ZC2HC1A: variants seen among roughly 807,000 people sequenced by gnomAD.
The protein encoded by ZC2HC1A is zinc finger C2HC domain-containing protein 1A.
ZC2HC1A carries 28 observed loss-of-function variants against 40.7 expected under a neutral mutation model. The ratio of observed to expected loss-of-function variants is 0.69; its 90% CI spans 0.51 to 0.94. The LOEUF is 0.94. ZC2HC1A is among the 40% of genes least tolerant of loss of function. The pLI, the probability that ZC2HC1A is intolerant of heterozygous loss-of-function variation, is 0.00. For missense variants in ZC2HC1A, 389 were observed against 386.3 expected, an observed-to-expected ratio of 1.01 and a Z score of -0.06; for synonymous variants, 129 against 129.2, an observed-to-expected ratio of 1.00 and a Z score of 0.01.
At chr8:78,671,340 A>G (rs1441997200) in intron 1 of ZC2HC1A, among the ~76,000 whole-genome samples, 2 of 152,214 alleles carry the variant, frequency 1.3e-5, no homozygotes, top group Non-Finnish European at 2.9e-5. Flanking sequence ...TAAAAGTTCT[A>G]GAATATTAAA....
chr8:78,712,023 G>A (rs757897642), intron 7 of ZC2HC1A: 27 of 1,289,506 alleles, frequency 2.1e-5, no homozygotes, highest in Admixed American at 1.4e-4. Flanking sequence ...CACTTCGAAC[G>A]GGAAGACTTG....
At chr8:78,691,728 A>G (rs1054907340) in intron 5 of ZC2HC1A, among the ~76,000 whole-genome samples, 4 of 151,902 alleles carry the variant, frequency 2.6e-5, no homozygotes, top group African/African-American at 9.7e-5. Flanking sequence ...TTGAAAAGTG[A>G]TTGCTCTAGG....
chr8:78,712,586 G>A (rs943533289), intron 7 of ZC2HC1A, among the ~76,000 whole-genome samples: 2 of 152,120 alleles, frequency 1.3e-5, no homozygotes, highest in African/African-American at 4.8e-5. Flanking sequence ...CTTTTTGTTA[G>A]ATGGTTGTAA....
intron 3 of ZC2HC1A, 55 bp downstream of exon 3, chr8:78,678,734 A>T (rs1809667191): frequency 9.2e-6 from 11 of 1,200,230 alleles, no homozygotes; most frequent in Non-Finnish European, 1.3e-5. Context: ...ATGTTGAAAA[A>T]TATTATATTA....
chr8:78,705,337 C>G (rs1810737138), intron 7 of ZC2HC1A, among the ~76,000 whole-genome samples: 1 of 152,150 alleles, frequency 6.6e-6, no homozygotes, highest in Admixed American at 6.5e-5. Context: ...CATAGGGCTG[C>G]TTGTGTATGC....
At chr8:78,672,499 C>G (rs183637461) in intron 1 of ZC2HC1A, among the ~76,000 whole-genome samples, 297 of 152,268 alleles carry the variant, frequency 2.0e-3, no homozygotes, top group Admixed American at 3.6e-3. Flanking sequence ...TTACCCTACA[C>G]TCTGCAGATC....
At chr8:78,690,374 C>T (rs570159325) in intron 5 of ZC2HC1A, among the ~76,000 whole-genome samples, 1 of 152,232 alleles carries the variant, frequency 6.6e-6, no homozygotes, top group African/African-American at 2.4e-5. Flanking sequence ...TCCTGGCTAA[C>T]ACGGTGAAAC....
intron 4 of ZC2HC1A, among the ~76,000 whole-genome samples, chr8:78,687,791 A>G (rs1408107693): frequency 1.5e-5 from 2 of 134,980 alleles, no homozygotes; most frequent in Non-Finnish European, 3.1e-5. Context: ...TTTACGTAAT[A>G]CATTATATAT....
intron 4 of ZC2HC1A, 64 bp downstream of exon 4, chr8:78,686,672 A>G: frequency 1.5e-6 from 2 of 1,378,366 alleles, no homozygotes; most frequent in Middle Eastern, 2.0e-4. Flanking sequence ...AGTTTTTATA[A>G]ATTTTCACTT....
At chr8:78,672,733 G>T (rs1809469712) in intron 1 of ZC2HC1A, among the ~76,000 whole-genome samples, 1 of 151,834 alleles carries the variant, frequency 6.6e-6, no homozygotes, top group Admixed American at 6.6e-5. Context: ...GTTTATTCTG[G>T]TCTTTTTGCC....
intron 3 of ZC2HC1A, among the ~76,000 whole-genome samples, chr8:78,684,058 A>G (rs1390001428): frequency 6.6e-6 from 1 of 152,132 alleles, no homozygotes; most frequent in Admixed American, 6.5e-5. Context: ...GGAAGTTCCA[A>G]ACTTTCCCAC....
intron 3 of ZC2HC1A, among the ~76,000 whole-genome samples, chr8:78,681,192 A>T (rs894135729): frequency 1.3e-5 from 2 of 152,018 alleles, no homozygotes; most frequent in African/African-American, 4.8e-5. Flanking sequence ...GAGAGCTGCT[A>T]GTTTGTATAG....
At chr8:78,701,338 A>G (rs1810597028) in intron 7 of ZC2HC1A, among the ~76,000 whole-genome samples, 1 of 152,122 alleles carries the variant, frequency 6.6e-6, no homozygotes, top group African/African-American at 2.4e-5. Flanking sequence ...TTGCACATTG[A>G]TTTTAGAATC....
intron 3 of ZC2HC1A, among the ~76,000 whole-genome samples, chr8:78,681,644 A>G (rs1159603307): frequency 6.6e-6 from 1 of 152,192 alleles, no homozygotes; most frequent in Admixed American, 6.5e-5. Flanking sequence ...TATGTCTACA[A>G]AAATTAAAAA....
chr8:78,695,633 T>G (rs1810375592), intron 5 of ZC2HC1A, among the ~76,000 whole-genome samples: 1 of 152,204 alleles, frequency 6.6e-6, no homozygotes. Context: ...TTTAAGTCTT[T>G]TCTAATGTCT....
intron 8 of ZC2HC1A, 21 bp from the exon 9 acceptor site, chr8:78,717,295 CTTTATCTTTTCA>C: frequency 6.3e-7 from 1 of 1,590,880 alleles, no homozygotes; most frequent in Non-Finnish European, 8.5e-7. Flanking sequence ...CTGATACAAA[CTTTATCTTTTCA>C]TTGTTTCTTT....
chr8:78,678,914 T>G, intron 3 of ZC2HC1A: 1 of 259,378 alleles, frequency 3.9e-6, no homozygotes, highest in East Asian at 7.0e-5. Context: ...AAGGTGCTGT[T>G]TCAAACTCCA....
At chr8:78,673,283 C>T (rs1490845075) in intron 1 of ZC2HC1A, among the ~76,000 whole-genome samples, 3 of 152,094 alleles carry the variant, frequency 2.0e-5, no homozygotes, top group African/African-American at 7.2e-5. Context: ...CCATGGTAGA[C>T]ATGTGCCACA....
At chr8:78,676,159 A>G in intron 2 of ZC2HC1A, 1 of 210,614 alleles carries the variant, frequency 4.7e-6, no homozygotes. Flanking sequence ...TACCTTAGAA[A>G]TAAGTAATTA....
Sources: gnomAD v4.1 joint callset for allele counts (sites outside exome capture counted in the v4.1 genomes callset) on GRCh38, gnomAD v4.1.1 for gene constraint, MANE v1.5 for transcripts, NCBI Gene and HGNC (gene_info 2026-07-23, HGNC 2026-07-21) for gene names.